The following SMAD4 variants were observed in gnomAD, a reference collection of about 807,000 sequenced individuals.
The protein encoded by SMAD4 is SMAD family member 4.
In SMAD4, 7 loss-of-function variants were observed where a neutral mutation model predicts 63.2. The ratio of observed to expected loss-of-function variants is 0.11; its 90% CI spans 0.06 to 0.21. SMAD4 has a LOEUF of 0.21. Among genes scored for constraint, SMAD4 ranks in the 10% least tolerant of loss-of-function variants. SMAD4 has a pLI of 1.00. For missense variants in SMAD4, 312 were observed against 693.8 expected (o/e 0.45, Z 6.18); for synonymous variants, 215 against 235.4 (o/e 0.91, Z 0.79).
chr18:51,081,507 A>G lies in SMAD4; in HGVS notation c.*3040A>G, dbSNP rs759036026. ...TTTTCCAGAAACATGGCTGTTTTGT[A>G]TTGCTGTAACCACTAAATAGGTTGC... On this transcript the variant is annotated 3_prime_UTR_variant, in exon 12 of 12. Transcript: ENST00000342988. 21 of 231,390 alleles carry G rather than the reference A, an allele frequency of 9.1e-5. No individual in the cohort carries two copies. The highest frequency in any genetic ancestry group is 1.7e-4 in the Non-Finnish European group (20 of 117,020). The allele number at this position is 231,390 out of a possible 1,614,324, so 14.3% of individuals were successfully genotyped here.
Position 51,080,139 on chromosome 18 carries a change from A to G in SMAD4, c.*1672A>G, listed in dbSNP as rs946024358. ...TAGCTATAGAAACACTTGTGTGATG[A>G]TAGTCCTCCTTATATCACCTGGAAT... On this transcript the variant is annotated 3_prime_UTR_variant, in exon 12 of 12. Coordinates refer to ENST00000342988, the MANE Select transcript of SMAD4 (RefSeq NM_005359.6). The G allele has an allele frequency of 4.3e-6, 1 of 232,568 alleles. No individual in the cohort carries two copies. Among genetic ancestry groups the G allele is most frequent in the Admixed American group, 5.6e-5 (1 of 17,778 alleles). 14.4% of individuals were successfully genotyped at this position (232,568 alleles called of 1,614,324 possible).
intron 8 of SMAD4, among the ~76,000 whole-genome samples, chr18:51,060,889 TTTTA>T (rs539287374): frequency 9.9e-5 from 15 of 151,702 alleles, no homozygotes; most frequent in East Asian, 1.9e-4. Context: ...CTGCTAATAA[TTTTA>T]TTTATTTATT....
chr18:51,046,811 G>A, intron 1 of SMAD4, 109 bp from the exon 2 acceptor site: 1 of 437,014 alleles, frequency 2.3e-6, no homozygotes, highest in Non-Finnish European at 4.0e-6. Flanking sequence ...TTTTAATTAT[G>A]TGCATTGAAT....
intron 11 of SMAD4, 114 bp downstream of exon 11, chr18:51,076,890 G>T: frequency 7.9e-6 from 6 of 758,862 alleles, no homozygotes; most frequent in Middle Eastern, 3.9e-4. Flanking sequence ...TTTTTTTACT[G>T]GGATGATGAC....
At chr18:51,031,911 TACTC>T (rs1390789982) in intron 1 of SMAD4, among the ~76,000 whole-genome samples, 3 of 152,216 alleles carry the variant, frequency 2.0e-5, no homozygotes, top group Admixed American at 6.5e-5. Flanking sequence ...GCTAAGGACT[TACTC>T]TCTCTATATT....
intron 9 of SMAD4, among the ~76,000 whole-genome samples, chr18:51,065,959 T>G (rs1910138570): frequency 6.6e-6 from 1 of 152,214 alleles, no homozygotes; most frequent in South Asian, 2.1e-4. Flanking sequence ...TCTGAAAGTT[T>G]TACTTATAAT....
chr18:51,073,647 C>G (rs1209860003), intron 10 of SMAD4, among the ~76,000 whole-genome samples: 2 of 151,876 alleles, frequency 1.3e-5, no homozygotes, highest in African/African-American at 4.8e-5. Flanking sequence ...TCTCCTGTCT[C>G]AGCCTCCCAA....
Position 51,078,565 on chromosome 18 carries a change from T to A in SMAD4, c.*98T>A. ...AAGATATATTTCACTTTTGTTCTGC[T>A]TTATCTTTTCATAAAGGGTTGAAAA... On this transcript the variant is annotated 3_prime_UTR_variant, in exon 12 of 12. Coordinates refer to ENST00000342988, the MANE Select transcript of SMAD4 (RefSeq NM_005359.6). 1.1e-6 allele frequency: 1 copy of A among 907,036 alleles called. No homozygotes were observed. The highest frequency in any genetic ancestry group is 1.7e-6 in the Non-Finnish European group (1 of 588,776). 56.2% of individuals were successfully genotyped at this position (907,036 alleles called of 1,614,324 possible). A position where few individuals can be genotyped will look rare whatever the true frequency, so the allele number is the denominator to read the frequency against.
intron 4 of SMAD4, 145 bp downstream of exon 4, chr18:51,049,469 G>A: frequency 1.5e-6 from 1 of 672,524 alleles, no homozygotes; most frequent in Non-Finnish European, 2.7e-6. Context: ...AGATTTTGAG[G>A]TTAGGGGCAT....
chr18:51,036,077 A>G (rs748124968), intron 1 of SMAD4, among the ~76,000 whole-genome samples: 44 of 152,124 alleles, frequency 2.9e-4, no homozygotes, highest in Admixed American at 1.3e-4. Context: ...TCTGGGTTCA[A>G]GAGATCTTGC....
At chr18:51,043,364 A>C (rs1909445731) in intron 1 of SMAD4, among the ~76,000 whole-genome samples, 1 of 152,160 alleles carries the variant, frequency 6.6e-6, no homozygotes, top group Non-Finnish European at 1.5e-5. Flanking sequence ...AAATTTGTGA[A>C]GTTGTCAGGG....
At chr18:51,038,771 A>G (rs564665744) in intron 1 of SMAD4, among the ~76,000 whole-genome samples, 1 of 152,214 alleles carries the variant, frequency 6.6e-6, no homozygotes, top group Non-Finnish European at 1.5e-5. Flanking sequence ...TAATGGGTTT[A>G]TTATTTTAAA....
In SMAD4 at chr18:51,045,541, GTTATT is replaced by G. The variant is rs140683391; in HGVS notation, c.-127-1375_-127-1371del. The stretch of plus-strand genomic sequence containing the variant: ...GATTCTTTATTAATCTTCAGTTTTT[GTTATT>G]TTAATTTTTTTGAAAATAATTTACC... On this transcript the variant is annotated intron_variant, in intron 1 of 11. Transcript: ENST00000342988. Among the ~76,000 whole-genome samples the G allele has an allele frequency of 6.3e-3, 957 of 152,062 alleles. 11 individuals carry two copies. Among genetic ancestry groups the G allele is most frequent in the African/African-American group, 0.022 (917 of 41,472 alleles).
At position 51,078,686 on chromosome 18, in the gene SMAD4, G is replaced by C. The variant is rs1910533953; in HGVS notation, c.*219G>C. The stretch of plus-strand genomic sequence containing the variant: ...TGTCAGGCATGGCTCAGAGCTTGAA[G>C]ATTAGGAGAAACACATTCTTATTAA... On this transcript the variant is annotated 3_prime_UTR_variant, in exon 12 of 12. Coordinates refer to ENST00000342988, the MANE Select transcript of SMAD4 (RefSeq NM_005359.6). 3.7e-6 allele frequency: 2 copies of C among 541,144 alleles called. No homozygotes were observed. Among genetic ancestry groups the C allele is most frequent in the Non-Finnish European group, 6.6e-6 (2 of 304,472 alleles). The allele number at this position is 541,144 out of a possible 1,614,324, so 33.5% of individuals were successfully genotyped here. A position where few individuals can be genotyped will look rare whatever the true frequency, so the allele number is the denominator to read the frequency against.
chr18:51,043,624 G>T (rs1001675031), intron 1 of SMAD4, among the ~76,000 whole-genome samples: 2 of 152,092 alleles, frequency 1.3e-5, no homozygotes, highest in African/African-American at 4.8e-5. Context: ...TAAAGAGAGA[G>T]ATGAGAAAGC....
At chr18:51,062,066 A>G (rs1216605405) in intron 8 of SMAD4, among the ~76,000 whole-genome samples, 2 of 152,210 alleles carry the variant, frequency 1.3e-5, no homozygotes, top group Non-Finnish European at 1.5e-5. Context: ...ATAGTTTAAT[A>G]AACTTTTTGC....
intron 8 of SMAD4, among the ~76,000 whole-genome samples, chr18:51,065,056 A>G (rs539576353): frequency 4.3e-4 from 66 of 152,338 alleles, no homozygotes; most frequent in African/African-American, 1.5e-3. Context: ...ATGGTAAAAT[A>G]ATTTATTTTA....
chr18:51,076,430 T>C (rs1162567241), intron 10 of SMAD4, among the ~76,000 whole-genome samples: 2 of 152,222 alleles, frequency 1.3e-5, no homozygotes, highest in South Asian at 2.1e-4. Context: ...CATCATGATG[T>C]TGACATGATC....
rs1002531060 is a variant in SMAD4, at chr18:51,080,649, C to A, written c.*2182C>A. On this transcript the variant is annotated 3_prime_UTR_variant, in exon 12 of 12. Transcript: ENST00000342988. ...CTCTGCCTCCCGGGTTCAACTGATT[C>A]TCCTGCCTCAGCCTCCCTGGTAGCT... 1.2e-4 allele frequency: 21 copies of A among 178,396 alleles called. No homozygotes were observed. Among genetic ancestry groups the A allele is most frequent in the Admixed American group, 3.8e-4 (6 of 15,896 alleles). The allele number at this position is 178,396 out of a possible 1,614,324, so 11.1% of individuals were successfully genotyped here.
Sources: allele counts gnomAD v4.1 joint callset (sites outside exome capture counted in the v4.1 genomes callset), GRCh38; gene constraint gnomAD v4.1.1; transcripts MANE v1.5; gene names NCBI Gene and HGNC (gene_info 2026-07-23, HGNC 2026-07-21).